Variants in SOX6 observed in about 807,000 individuals in gnomAD.
The protein encoded by SOX6 is transcription factor SOX-6.
In SOX6, 11 loss-of-function variants were observed where a neutral mutation model predicts 97.8. The ratio of observed to expected loss-of-function variants is 0.11; its 90% CI spans 0.07 to 0.19. The LOEUF (loss-of-function observed/expected upper bound fraction) is 0.19, where lower values mean the gene tolerates loss of function less well. Among genes scored for constraint, SOX6 ranks in the 10% least tolerant of loss-of-function variants. SOX6 has a pLI of 1.00. For synonymous variants in SOX6, 360 were observed against 371.4 expected (o/e 0.97, Z 0.35); for missense variants, 810 against 1,039.5 (o/e 0.78, Z 3.04).
intron 7 of SOX6, among the ~76,000 whole-genome samples, chr11:16,101,964 T>C (rs1320980645): frequency 2.0e-5 from 3 of 151,768 alleles, no homozygotes; most frequent in Admixed American, 6.6e-5. Context: ...CCCTAAAAGC[T>C]GGAACAAGAC....
At chr11:16,100,754 T>C (rs543897968) in intron 7 of SOX6, among the ~76,000 whole-genome samples, 1 of 138,580 alleles carries the variant, frequency 7.2e-6, no homozygotes, top group African/African-American at 2.6e-5. Flanking sequence ...GTCTACCTTT[T>C]AAAAAAAAAA....
intron 12 of SOX6, among the ~76,000 whole-genome samples, chr11:16,023,455 T>A (rs1184387846): frequency 1.3e-5 from 2 of 152,072 alleles, no homozygotes; most frequent in Admixed American, 1.3e-4. Context: ...TATTTTCAGA[T>A]CCTATTTAAA....
intron 1 of SOX6, among the ~76,000 whole-genome samples, chr11:16,426,616 A>G (rs1010498236): frequency 9.2e-5 from 14 of 151,998 alleles, no homozygotes; most frequent in Admixed American, 1.3e-4. Context: ...GCAGAAGATT[A>G]AAACTGGATC....
At chr11:16,161,894 C>G (rs904294411) in intron 6 of SOX6, among the ~76,000 whole-genome samples, 2 of 152,142 alleles carry the variant, frequency 1.3e-5, no homozygotes, top group African/African-American at 4.8e-5. Flanking sequence ...TTATCAGATT[C>G]TGGTTGTTTA....
intron 3 of SOX6, among the ~76,000 whole-genome samples, chr11:16,273,478 C>T (rs1405699109): frequency 6.6e-6 from 1 of 151,850 alleles, no homozygotes; most frequent in Non-Finnish European, 1.5e-5. Context: ...AGACCCTGAT[C>T]CCCATTCAAA....
intron 4 of SOX6, among the ~76,000 whole-genome samples, chr11:16,213,760 A>C (rs1365127856): frequency 6.6e-6 from 1 of 152,216 alleles, no homozygotes; most frequent in Non-Finnish European, 1.5e-5. Flanking sequence ...TTCTTGCAAC[A>C]ATATACAAAT....
At chr11:16,487,741 G>A (rs1156684940) in intron 4 of SOX6, among the ~76,000 whole-genome samples, 1 of 152,142 alleles carries the variant, frequency 6.6e-6, no homozygotes, top group African/African-American at 2.4e-5. Context: ...TAAATTTAAA[G>A]GCAGCTAAAG....
At chr11:16,428,147 G>T (rs4434967) in intron 1 of SOX6, among the ~76,000 whole-genome samples, 151,528 of 152,260 alleles carry the variant, frequency 1, 75,405 homozygotes, top group Middle Eastern at 1. Context: ...AGTGTCTGTT[G>T]ATATCCTTCG....
intron 1 of SOX6, among the ~76,000 whole-genome samples, chr11:16,436,067 C>T (rs1239437229): frequency 6.6e-6 from 1 of 152,132 alleles, no homozygotes; most frequent in African/African-American, 2.4e-5. Flanking sequence ...TTGACAAATC[C>T]TCATTCTTCT....
At chr11:16,459,516 T>C (rs1010552106) in intron 1 of SOX6, among the ~76,000 whole-genome samples, 9 of 152,110 alleles carry the variant, frequency 5.9e-5, no homozygotes, top group African/African-American at 1.9e-4. Flanking sequence ...AGAAATGACA[T>C]AGATGATAAA....
intron 4 of SOX6, among the ~76,000 whole-genome samples, chr11:16,586,016 T>C (rs1482231574): frequency 1.1e-4 from 17 of 152,010 alleles, no homozygotes; most frequent in African/African-American, 4.1e-4. Flanking sequence ...CAAGGAAAGG[T>C]TCAAAGCTTC....
At chr11:16,085,546 C>T (rs1293138415) in intron 9 of SOX6, among the ~76,000 whole-genome samples, 1 of 152,118 alleles carries the variant, frequency 6.6e-6, no homozygotes, top group Non-Finnish European at 1.5e-5. Context: ...AAATTTCTCT[C>T]CCAGCTGACT....
intron 7 of SOX6, among the ~76,000 whole-genome samples, chr11:16,101,087 C>T (rs1848934154): frequency 6.6e-6 from 1 of 151,634 alleles, no homozygotes; most frequent in South Asian, 2.1e-4. Flanking sequence ...AACTATAGAG[C>T]CCACCTTTAT....
At chr11:16,575,760 C>A (rs1382209897) in intron 4 of SOX6, among the ~76,000 whole-genome samples, 1 of 152,060 alleles carries the variant, frequency 6.6e-6, no homozygotes, top group Non-Finnish European at 1.5e-5. Flanking sequence ...GATGGGGTAA[C>A]ACTAAATACC....
At chr11:16,304,972 A>G (rs1288511529) in intron 3 of SOX6, among the ~76,000 whole-genome samples, 3 of 146,760 alleles carry the variant, frequency 2.0e-5, no homozygotes, top group Non-Finnish European at 1.5e-5. Context: ...CATCTTTCAG[A>G]AAAAAAAAAG....
At chr11:16,454,514 A>G (rs1046895095) in intron 1 of SOX6, among the ~76,000 whole-genome samples, 1 of 152,058 alleles carries the variant, frequency 6.6e-6, no homozygotes, top group Non-Finnish European at 1.5e-5. Flanking sequence ...TGCAAGCTCT[A>G]AGAGTGTGTC....
chr11:16,542,319 G>A (rs1391241190), intron 4 of SOX6, among the ~76,000 whole-genome samples: 1 of 152,058 alleles, frequency 6.6e-6, no homozygotes, highest in Non-Finnish European at 1.5e-5. Context: ...TGTTGGGAAT[G>A]GGGGGCTTGG....
At chr11:16,150,023 G>A (rs903603585) in intron 6 of SOX6, among the ~76,000 whole-genome samples, 3 of 152,148 alleles carry the variant, frequency 2.0e-5, no homozygotes, top group Non-Finnish European at 4.4e-5. Context: ...AAGCATTTTA[G>A]AGATTGAGAT....
intron 2 of SOX6, among the ~76,000 whole-genome samples, chr11:16,323,167 T>C (rs549423689): frequency 1.4e-4 from 21 of 152,166 alleles, no homozygotes; most frequent in Non-Finnish European, 2.2e-4. Flanking sequence ...TTGATTCAGA[T>C]AATCTAAAGA....
Sources: allele counts gnomAD v4.1 joint callset (sites outside exome capture counted in the v4.1 genomes callset), GRCh38; gene constraint gnomAD v4.1.1; transcripts MANE v1.5; gene names NCBI Gene and HGNC (gene_info 2026-07-23, HGNC 2026-07-21).